Variants in SGCZ observed in about 807,000 individuals in gnomAD.
The protein encoded by SGCZ is sarcoglycan zeta.
In SGCZ, 40 loss-of-function variants were observed where a neutral mutation model predicts 41.3. That is an observed-to-expected ratio of 0.97 (90% CI 0.75 to 1.26). SGCZ has a LOEUF of 1.26. Among genes scored for constraint, SGCZ ranks in the 50% most tolerant of loss-of-function variants. SGCZ has a pLI of 0.00. For missense variants in SGCZ, 552 were observed against 369.8 expected (o/e 1.49, Z -4.04); for synonymous variants, 206 against 137.5 (o/e 1.50, Z -3.49).
chr8:14,304,197 C>T (rs1801280211), intron 3 of SGCZ, among the ~76,000 whole-genome samples: 1 of 152,018 alleles, frequency 6.6e-6, no homozygotes, highest in African/African-American at 2.4e-5. Context: ...AATTCCAGCA[C>T]TCTAGGAGGC....
chr8:14,834,586 C>T (rs1802635411), intron 1 of SGCZ, among the ~76,000 whole-genome samples: 1 of 152,106 alleles, frequency 6.6e-6, no homozygotes, highest in Non-Finnish European at 1.5e-5. Flanking sequence ...TTATTCCTAG[C>T]AGCAAGAAAA....
intron 1 of SGCZ, among the ~76,000 whole-genome samples, chr8:14,834,651 A>C (rs1051526936): frequency 6.6e-6 from 1 of 152,198 alleles, no homozygotes; most frequent in Non-Finnish European, 1.5e-5. Flanking sequence ...TTTGGAGCGG[A>C]AGTGTATCAT....
intron 1 of SGCZ, among the ~76,000 whole-genome samples, chr8:15,217,247 T>G (rs1022351300): frequency 2.6e-5 from 4 of 151,224 alleles, no homozygotes; most frequent in African/African-American, 9.7e-5. Context: ...GAAACCCCGT[T>G]TCTACTAAAA....
At chr8:15,237,440 G>C in intron 1 of SGCZ, 145 bp downstream of exon 1, 4 of 957,788 alleles carry the variant, frequency 4.2e-6, no homozygotes, top group Non-Finnish European at 6.3e-6. Flanking sequence ...GGGCGCCTGC[G>C]CCCGGGTGCG....
chr8:14,211,199 G>C (rs570742861), intron 4 of SGCZ, among the ~76,000 whole-genome samples: 89 of 152,296 alleles, frequency 5.8e-4, no homozygotes, highest in South Asian at 1.0e-3. Context: ...CACTGCAGGA[G>C]TAAAGGTGTT....
chr8:14,684,258 A>C (rs548098390), intron 1 of SGCZ, among the ~76,000 whole-genome samples: 95 of 152,266 alleles, frequency 6.2e-4, no homozygotes, highest in Non-Finnish European at 1.2e-3. Context: ...GGCCCAGTTT[A>C]ATAATTTTTC....
chr8:15,110,797 T>A (rs943048717), intron 1 of SGCZ, among the ~76,000 whole-genome samples: 1 of 152,044 alleles, frequency 6.6e-6, no homozygotes, highest in Non-Finnish European at 1.5e-5. Flanking sequence ...GGAGAAACCC[T>A]GTCTCTACTA....
chr8:15,049,403 A>C (rs1804433927), intron 1 of SGCZ, among the ~76,000 whole-genome samples: 1 of 152,190 alleles, frequency 6.6e-6, no homozygotes, highest in African/African-American at 2.4e-5. Flanking sequence ...AAGAAGTAGC[A>C]AGAGCAACTA....
At chr8:15,172,160 T>TTTTATTTATTTA (rs1554471127) in intron 1 of SGCZ, among the ~76,000 whole-genome samples, 13 of 105,014 alleles carry the variant, frequency 1.2e-4, no homozygotes, top group South Asian at 3.5e-4. Flanking sequence ...CTCTGTTTTT[T>TTTTATTTATTTA]TTTTTTTTTT....
At chr8:15,158,999 A>G (rs970730351) in intron 1 of SGCZ, among the ~76,000 whole-genome samples, 5 of 152,172 alleles carry the variant, frequency 3.3e-5, no homozygotes, top group Non-Finnish European at 5.9e-5. Flanking sequence ...TTGTCTGCAA[A>G]TGATCAACAG....
Position 15,097,753 on chromosome 8 carries a change from CGT to C in SGCZ, c.39+139830_39+139831del, listed in dbSNP as rs1203854730. 1.2e-3 allele frequency among the ~76,000 whole-genome samples: 61 copies of C among 52,812 alleles called. 1 individual carries two copies. Among genetic ancestry groups the C allele is most frequent in the South Asian group, 3.0e-3 (5 of 1,666 alleles). The allele number at this position is 52,812 out of a possible 152,430, so 34.6% of individuals were successfully genotyped here. On this transcript the variant is annotated intron_variant, in intron 1 of 7. Coordinates refer to ENST00000382080, the MANE Select transcript of SGCZ (RefSeq NM_139167.4). ...AAAAAAAAATATATATATATATACA[CGT>C]ATATATGTGTTTATATATATATATA...
intron 1 of SGCZ, among the ~76,000 whole-genome samples, chr8:14,622,256 G>A (rs927106723): frequency 6.6e-6 from 1 of 152,140 alleles, no homozygotes; most frequent in Non-Finnish European, 1.5e-5. Flanking sequence ...AGGAGGTAGT[G>A]AGTAACTGTT....
At chr8:14,831,837 T>C (rs1279832534) in intron 1 of SGCZ, among the ~76,000 whole-genome samples, 6 of 152,198 alleles carry the variant, frequency 3.9e-5, no homozygotes, top group African/African-American at 7.2e-5. Flanking sequence ...TATATATGTG[T>C]GCACATACAT....
At chr8:15,047,355 A>T (rs1225977184) in intron 1 of SGCZ, among the ~76,000 whole-genome samples, 1 of 152,048 alleles carries the variant, frequency 6.6e-6, no homozygotes, top group Admixed American at 6.6e-5. Flanking sequence ...TTCCAAGTCA[A>T]ATCCTGTCCT....
chr8:14,184,612 C>T (rs982922615), intron 4 of SGCZ, among the ~76,000 whole-genome samples: 2 of 152,212 alleles, frequency 1.3e-5, no homozygotes, highest in African/African-American at 2.4e-5. Context: ...ATCAATGCTA[C>T]TTCCTCACTA....
chr8:14,777,626 G>A (rs963360367), intron 1 of SGCZ, among the ~76,000 whole-genome samples: 3 of 152,042 alleles, frequency 2.0e-5, no homozygotes, highest in African/African-American at 7.2e-5. Context: ...TAAGACATAC[G>A]CATATCCATG....
chr8:14,913,095 T>A (rs1799325776), intron 1 of SGCZ, among the ~76,000 whole-genome samples: 1 of 152,046 alleles, frequency 6.6e-6, no homozygotes, highest in Non-Finnish European at 1.5e-5. Flanking sequence ...GAAAAAAATT[T>A]AAAAAGGTGT....
chr8:14,929,248 C>G (rs552923736), intron 1 of SGCZ, among the ~76,000 whole-genome samples: 1 of 152,282 alleles, frequency 6.6e-6, no homozygotes, highest in East Asian at 1.9e-4. Flanking sequence ...GCCTCGGCCT[C>G]CCAAAGTACT....
chr8:15,216,951 G>A lies in SGCZ; in HGVS notation c.39+20634C>T, dbSNP rs188787232. On this transcript the variant is annotated intron_variant, in intron 1 of 7. Coordinates refer to ENST00000382080, the MANE Select transcript of SGCZ (RefSeq NM_139167.4). ...TTAGGGTAGAAGAGAAGATTAAAGGGTAAAGAATCTTACCATCATATTGAA... is the reference window on the plus strand; with the variant it reads ...TTAGGGTAGAAGAGAAGATTAAAGGATAAAGAATCTTACCATCATATTGAA... Among the ~76,000 whole-genome samples, 4 of 152,176 alleles carry A rather than the reference G, an allele frequency of 2.6e-5. No homozygotes were observed. In the East Asian group the frequency reaches 7.8e-4, roughly 30 times the overall value.
Sources: gnomAD v4.1 joint callset for allele counts (sites outside exome capture counted in the v4.1 genomes callset) on GRCh38, gnomAD v4.1.1 for gene constraint, MANE v1.5 for transcripts, NCBI Gene and HGNC (gene_info 2026-07-23, HGNC 2026-07-21) for gene names.